Variants in MDGA2 observed in about 807,000 individuals in gnomAD.
MDGA2 encodes the protein MAM domain-containing glycosylphosphatidylinositol anchor protein 2.
Under a neutral mutation model 117.8 loss-of-function variants are expected in MDGA2, and 40 were observed. The observed-to-expected ratio is 0.34, with a 90% CI of 0.26 to 0.44. The LOEUF (loss-of-function observed/expected upper bound fraction) is 0.44. Ranked by LOEUF, MDGA2 falls within the 20% of genes least tolerant of loss-of-function variation. The pLI is 1.00. For missense variants in MDGA2, 1,123 were observed against 1,250.6 expected (o/e 0.90, Z 1.54); for synonymous variants, 452 against 439.0 (o/e 1.03, Z -0.37).
chr14:47,530,925 TAAG>T (rs1311914533), intron 1 of MDGA2, among the ~76,000 whole-genome samples: 1 of 152,186 alleles, frequency 6.6e-6, no homozygotes, highest in African/African-American at 2.4e-5. Flanking sequence ...TGCACACCTT[TAAG>T]TTTTTAGACT....
At chr14:47,641,940 G>T (rs76288330) in intron 1 of MDGA2, among the ~76,000 whole-genome samples, 6,820 of 152,108 alleles carry the variant, frequency 0.045, 144 homozygotes, top group Middle Eastern at 0.068. Flanking sequence ...GGAAAGAAGA[G>T]AATCAGTACA....
chr14:46,934,109 T>C (rs1884691841), intron 9 of MDGA2, among the ~76,000 whole-genome samples: 1 of 151,786 alleles, frequency 6.6e-6, no homozygotes, highest in Admixed American at 6.6e-5. Flanking sequence ...TGCCTAGGAC[T>C]CAAAAAATGT....
At chr14:47,409,781 A>G (rs1892333192) in intron 1 of MDGA2, among the ~76,000 whole-genome samples, 1 of 152,176 alleles carries the variant, frequency 6.6e-6, no homozygotes, top group Non-Finnish European at 1.5e-5. Flanking sequence ...AATCATCAGC[A>G]GAAAGACAGT....
chr14:47,573,971 C>A (rs1896067784), intron 1 of MDGA2, among the ~76,000 whole-genome samples: 1 of 151,962 alleles, frequency 6.6e-6, no homozygotes, highest in South Asian at 2.1e-4. Context: ...TGCTTTGAAT[C>A]AAAATGAACA....
At chr14:46,922,887 AG>A (rs573441685) in intron 9 of MDGA2, among the ~76,000 whole-genome samples, 3 of 152,202 alleles carry the variant, frequency 2.0e-5, no homozygotes, top group Non-Finnish European at 2.9e-5. Flanking sequence ...GATGGAGCGA[AG>A]TAGGATAGAA....
In MDGA2 at chr14:47,067,676, T is replaced by C. The variant is rs193206318; in HGVS notation, c.1196-6098A>G. ...TCTCTGAAATGTACATTTTGCAATA[T>C]GCAAACAGCATTAAAGAGGAGTTAA... On this transcript the variant is annotated intron_variant, in intron 6 of 16. Coordinates refer to ENST00000399232, the MANE Select transcript of MDGA2 (RefSeq NM_001113498.3). Among the ~76,000 whole-genome samples, 38 of 152,328 alleles carry C rather than the reference T, an allele frequency of 2.5e-4. No individual in the cohort carries two copies. The East Asian group carries it at 4.1e-3, about 16-fold the overall frequency.
chr14:47,411,210 A>G (rs2138485883), intron 1 of MDGA2, among the ~76,000 whole-genome samples: 1 of 152,314 alleles, frequency 6.6e-6, no homozygotes, highest in Middle Eastern at 3.4e-3. Context: ...TAATAGGAAT[A>G]CCATAAACGT....
At chr14:47,291,542 A>T (rs1447158228) in intron 2 of MDGA2, among the ~76,000 whole-genome samples, 4 of 152,144 alleles carry the variant, frequency 2.6e-5, no homozygotes, top group East Asian at 3.9e-4. Context: ...TAACCTACCA[A>T]ATGTCATAGT....
intron 4 of MDGA2, among the ~76,000 whole-genome samples, chr14:47,133,406 C>A (rs982323370): frequency 1.3e-5 from 2 of 152,062 alleles, no homozygotes; most frequent in Admixed American, 6.5e-5. Context: ...ACCTCTCCTA[C>A]CTTTGTCACA....
intron 16 of MDGA2, among the ~76,000 whole-genome samples, chr14:46,844,028 G>A (rs1233981368): frequency 2.6e-5 from 4 of 152,062 alleles, no homozygotes; most frequent in Admixed American, 6.5e-5. Flanking sequence ...TTAAGAAGCA[G>A]CTAAATACAT....
chr14:47,466,905 C>T (rs1039365512), intron 1 of MDGA2, among the ~76,000 whole-genome samples: 4 of 151,932 alleles, frequency 2.6e-5, no homozygotes, highest in South Asian at 2.1e-4. Context: ...TGCACTTTAC[C>T]GGGCACAATG....
intron 3 of MDGA2, among the ~76,000 whole-genome samples, chr14:47,167,420 A>G (rs1195788531): frequency 6.6e-6 from 1 of 152,182 alleles, no homozygotes; most frequent in African/African-American, 2.4e-5. Context: ...AGCACCTCCA[A>G]GCCAGTTGAT....
intron 2 of MDGA2, among the ~76,000 whole-genome samples, chr14:47,250,665 G>A (rs571700148): frequency 1.3e-5 from 2 of 152,264 alleles, no homozygotes; most frequent in South Asian, 2.1e-4. Context: ...CCCAGCCTCC[G>A]GCACTGTGAG....
At chr14:47,160,463 C>T (rs1883587307) in intron 3 of MDGA2, among the ~76,000 whole-genome samples, 1 of 152,080 alleles carries the variant, frequency 6.6e-6, no homozygotes, top group Non-Finnish European at 1.5e-5. Context: ...GCTAGGATTT[C>T]AACACCAGCC....
Position 47,106,493 on chromosome 14 carries a change from C to T in MDGA2, c.926-9370G>A, listed in dbSNP as rs532793360. Among the ~76,000 whole-genome samples, 1,076 of 151,976 alleles carry T rather than the reference C, an allele frequency of 7.1e-3. 10 individuals carry two copies. Among genetic ancestry groups the T allele is most frequent in the African/African-American group, 0.021 (865 of 41,478 alleles). On this transcript the variant is annotated intron_variant, in intron 5 of 16. Transcript: ENST00000399232. ...TCTGGCCACTGGGCCAAGGAATGCC[C>T]GCAGCCTGGGATTCCTCCTAAGCCG...
chr14:46,885,787 C>T (rs1882650144), intron 10 of MDGA2, among the ~76,000 whole-genome samples: 1 of 152,124 alleles, frequency 6.6e-6, no homozygotes, highest in South Asian at 2.1e-4. Flanking sequence ...ATCCTCCTTA[C>T]CTCTGAAGTT....
intron 1 of MDGA2, among the ~76,000 whole-genome samples, chr14:47,644,205 G>T (rs1897481754): frequency 6.6e-6 from 1 of 152,132 alleles, no homozygotes; most frequent in African/African-American, 2.4e-5. Context: ...GCTTTATATG[G>T]CAAAGAGAAC....
At position 46,882,325 on chromosome 14, in the gene MDGA2, A is replaced by T. The variant is rs963701688; in HGVS notation, c.2239-104T>A. 3 of 892,674 alleles carry T rather than the reference A, an allele frequency of 3.4e-6. No homozygotes were observed. In the African/African-American group the frequency reaches 5.2e-5, roughly 15 times the overall value. 55.3% of individuals were successfully genotyped at this position (892,674 alleles called of 1,614,324 possible). The stretch of plus-strand genomic sequence containing the variant: ...AATTTTATTAAATCAAAAAGTACGT[A>T]TATTAATGAATACGTATTATTAAAG... On this transcript the variant is annotated intron_variant, in intron 10 of 16. Coordinates refer to ENST00000399232, the MANE Select transcript of MDGA2 (RefSeq NM_001113498.3).
chr14:47,054,012 C>T (rs1243213476), intron 7 of MDGA2, among the ~76,000 whole-genome samples: 1 of 151,868 alleles, frequency 6.6e-6, no homozygotes, highest in East Asian at 1.9e-4. Flanking sequence ...CATTAGTCTG[C>T]CTGATATCAA....
Sources: allele counts gnomAD v4.1 joint callset (sites outside exome capture counted in the v4.1 genomes callset), GRCh38; gene constraint gnomAD v4.1.1; transcripts MANE v1.5; gene names NCBI Gene and HGNC (gene_info 2026-07-23, HGNC 2026-07-21).